The following ZSWIM6 variants were observed in gnomAD, a reference collection of about 807,000 sequenced individuals.
ZSWIM6 encodes zinc finger SWIM-type containing 6, also known as zinc finger SWIM domain-containing protein 6.
ZSWIM6 carries 9 observed loss-of-function variants against 113.2 expected under a neutral mutation model. The observed-to-expected ratio is 0.08, with a 90% confidence interval of 0.05 to 0.14. ZSWIM6 has a LOEUF of 0.14. Ranked by LOEUF, ZSWIM6 falls within the 10% of genes least tolerant of loss-of-function variation. The pLI is 1.00. For synonymous variants in ZSWIM6, 611 were observed against 606.5 expected, an observed-to-expected ratio of 1.01 and a Z score of -0.11; for missense variants, 1,162 against 1,552.2, an observed-to-expected ratio of 0.75 and a Z score of 4.22.
chr5:61,355,866 T>G lies in ZSWIM6; in HGVS notation c.676+22918T>G, dbSNP rs1409664252. Among the ~76,000 whole-genome samples, 4 of 152,240 alleles carry G rather than the reference T, an allele frequency of 2.6e-5. No homozygotes were observed. The East Asian group carries it at 7.7e-4, about 29-fold the overall frequency. ...TATTATTAGAATTAATTTAGCCTGT[T>G]TATTTTAATTTTTAAAATGTGACTA... is the stretch of plus-strand genomic sequence containing the variant. On this transcript the variant is annotated intron_variant, in intron 1 of 13. Transcript: ENST00000252744.
intron 1 of ZSWIM6, among the ~76,000 whole-genome samples, chr5:61,426,252 T>C (rs1045899209): frequency 6.6e-6 from 1 of 152,252 alleles, no homozygotes; most frequent in Admixed American, 6.5e-5. Flanking sequence ...TGAGTTGTGA[T>C]ACATATAAAC....
At chr5:61,429,207 G>C (rs867020388) in intron 1 of ZSWIM6, among the ~76,000 whole-genome samples, 1 of 152,204 alleles carries the variant, frequency 6.6e-6, no homozygotes, top group Admixed American at 6.5e-5. Flanking sequence ...TCCCCTACAG[G>C]GGGTAGGGTT....
At chr5:61,458,309 A>G (rs34993457) in intron 1 of ZSWIM6, among the ~76,000 whole-genome samples, 18,451 of 152,268 alleles carry the variant, frequency 0.12, 1,413 homozygotes, top group Middle Eastern at 0.17. Flanking sequence ...CTATGAGTAT[A>G]TATATTTTGG....
intron 2 of ZSWIM6, among the ~76,000 whole-genome samples, chr5:61,475,682 T>C (rs1747694650): frequency 6.6e-6 from 1 of 152,110 alleles, no homozygotes; most frequent in South Asian, 2.1e-4. Flanking sequence ...GTTTGACAAG[T>C]GGTAAAAAAG....
intron 1 of ZSWIM6, among the ~76,000 whole-genome samples, chr5:61,402,910 A>G (rs2112104871): frequency 6.6e-6 from 1 of 152,366 alleles, no homozygotes; most frequent in Middle Eastern, 3.4e-3. Context: ...TTAATTGTGT[A>G]GCATTCACTA....
chr5:61,482,731 T>A (rs1032080346), intron 2 of ZSWIM6, among the ~76,000 whole-genome samples: 3 of 152,152 alleles, frequency 2.0e-5, no homozygotes, highest in African/African-American at 7.2e-5. Flanking sequence ...ATTTCTAATT[T>A]TTATTGCTCA....
At chr5:61,505,656 TTCCTTC>T in intron 4 of ZSWIM6, among the ~76,000 whole-genome samples, 1 of 107,930 alleles carries the variant, frequency 9.3e-6, no homozygotes, top group Non-Finnish European at 2.0e-5. Context: ...CCTTCCTTCC[TTCCTTC>T]CTTCCTTCCT....
chr5:61,338,841 C>T (rs931861902), intron 1 of ZSWIM6, among the ~76,000 whole-genome samples: 18 of 152,132 alleles, frequency 1.2e-4, no homozygotes, highest in Admixed American at 2.0e-4. Flanking sequence ...ATCTATTTTG[C>T]GGTTGTGAGA....
intron 1 of ZSWIM6, among the ~76,000 whole-genome samples, chr5:61,383,578 C>G (rs73107409): frequency 6.6e-6 from 1 of 151,836 alleles, no homozygotes; most frequent in Non-Finnish European, 1.5e-5. Context: ...CTCTGTTGCC[C>G]AGGCTGGAGT....
At chr5:61,451,487 A>T (rs970988278) in intron 1 of ZSWIM6, among the ~76,000 whole-genome samples, 14 of 152,202 alleles carry the variant, frequency 9.2e-5, no homozygotes, top group African/African-American at 3.1e-4. Context: ...TACTAAGTTA[A>T]CATTGGTCCT....
chr5:61,421,046 G>C (rs2112124532), intron 1 of ZSWIM6, among the ~76,000 whole-genome samples: 1 of 151,750 alleles, frequency 6.6e-6, no homozygotes, highest in African/African-American at 2.4e-5. Context: ...CAGTCTCCGA[G>C]GTGGCTGGAA....
chr5:61,364,150 T>C (rs1745104150), intron 1 of ZSWIM6, among the ~76,000 whole-genome samples: 1 of 151,958 alleles, frequency 6.6e-6, no homozygotes. Flanking sequence ...GCTCAAGCAA[T>C]CCTCCCACCT....
chr5:61,388,855 A>G (rs1315190086), intron 1 of ZSWIM6, among the ~76,000 whole-genome samples: 1 of 152,242 alleles, frequency 6.6e-6, no homozygotes, highest in Non-Finnish European at 1.5e-5. Flanking sequence ...AAGTAGGAAC[A>G]ATTATGAAAT....
At chr5:61,399,364 T>C (rs903263108) in intron 1 of ZSWIM6, among the ~76,000 whole-genome samples, 5 of 152,140 alleles carry the variant, frequency 3.3e-5, no homozygotes, top group Non-Finnish European at 5.9e-5. Flanking sequence ...TTACTAACAT[T>C]GGCATTCCAG....
intron 4 of ZSWIM6, among the ~76,000 whole-genome samples, chr5:61,512,507 G>C (rs1198269926): frequency 6.6e-6 from 1 of 152,082 alleles, no homozygotes; most frequent in African/African-American, 2.4e-5. Flanking sequence ...GGGTCATATG[G>C]TCAAAATACA....
chr5:61,454,059 C>T (rs1747145629), intron 1 of ZSWIM6, among the ~76,000 whole-genome samples: 1 of 151,866 alleles, frequency 6.6e-6, no homozygotes, highest in Non-Finnish European at 1.5e-5. Context: ...TCCCTTCCCC[C>T]ATTTATTTAT....
chr5:61,332,888 C>T lies in ZSWIM6; in HGVS notation c.616C>T (p.Pro206Ser). 2 of 1,329,238 alleles carry T rather than the reference C, an allele frequency of 1.5e-6. No individual in the cohort carries two copies. Among genetic ancestry groups the T allele is most frequent in the Non-Finnish European group, 2.0e-6 (2 of 1,024,798 alleles). The allele number at this position is 1,329,238 out of a possible 1,614,324, so 82.3% of individuals were successfully genotyped here. ...GGACGGCGGCGACGAGACGCGGCTG[C>T]CTTTCCGCCGGGGCATCGCGCTGTT... is the stretch of plus-strand genomic sequence containing the variant. ...AADGGDETRL[P>S]FRRGIALLES... Residue 206 changes from proline to serine, a missense_variant, in exon 1 of 14, where the codon CCT becomes TCT. Physicochemically the swap from Pro to Ser is moderately conservative, Grantham distance 74. Coordinates refer to ENST00000252744, the MANE Select transcript of ZSWIM6 (RefSeq NM_020928.2).
chr5:61,448,421 T>C lies in ZSWIM6; in HGVS notation c.677-24260T>C, dbSNP rs558945925. 9.2e-5 allele frequency among the ~76,000 whole-genome samples: 14 copies of C among 152,330 alleles called. No homozygotes were observed. In the South Asian group the frequency reaches 2.9e-3, roughly 32 times the overall value. ...CGTTCTATACAATTGAACATAGGCCTATATTAAATTAGTTTCCTTCTCATT... is the reference window on the plus strand; with the variant it reads ...CGTTCTATACAATTGAACATAGGCCCATATTAAATTAGTTTCCTTCTCATT... On this transcript the variant is annotated intron_variant, in intron 1 of 13. Coordinates refer to ENST00000252744, the MANE Select transcript of ZSWIM6 (RefSeq NM_020928.2).
At chr5:61,397,463 G>A (rs544619913) in intron 1 of ZSWIM6, among the ~76,000 whole-genome samples, 3 of 152,096 alleles carry the variant, frequency 2.0e-5, no homozygotes, top group Non-Finnish European at 4.4e-5. Context: ...TGGTCTGCAC[G>A]TGCTGTGAAT....
Sources: allele counts gnomAD v4.1 joint callset (sites outside exome capture counted in the v4.1 genomes callset), GRCh38; gene constraint gnomAD v4.1.1; transcripts MANE v1.5; gene names NCBI Gene and HGNC (gene_info 2026-07-23, HGNC 2026-07-21).